Variants in MARCHF1 observed in about 807,000 individuals in gnomAD.
MARCHF1 encodes the protein E3 ubiquitin-protein ligase MARCHF1.
MARCHF1 carries 40 observed loss-of-function variants against 54.2 expected under a neutral mutation model. The observed-to-expected ratio is 0.74, with a 90% CI of 0.57 to 0.96. The LOEUF is 0.96. Among genes scored for constraint, MARCHF1 ranks in the 40% least tolerant of loss-of-function variants. The pLI, the probability that MARCHF1 is intolerant of heterozygous loss-of-function variation, is 0.00. For synonymous variants in MARCHF1, 236 were observed against 236.3 expected, an observed-to-expected ratio of 1.00 and a Z score of 0.01; for missense variants, 586 against 656.5, an observed-to-expected ratio of 0.89 and a Z score of 1.17.
intron 5 of MARCHF1, among the ~76,000 whole-genome samples, chr4:163,617,667 T>A (rs560619433): frequency 6.6e-6 from 1 of 152,180 alleles, no homozygotes; most frequent in Non-Finnish European, 1.5e-5. Context: ...AAATTATACA[T>A]TCTTTATTCT....
At chr4:163,731,369 A>G (rs1745824525) in intron 4 of MARCHF1, among the ~76,000 whole-genome samples, 2 of 152,244 alleles carry the variant, frequency 1.3e-5, no homozygotes, top group Non-Finnish European at 2.9e-5. Flanking sequence ...ACAACAAAAT[A>G]TAAGACACAA....
At chr4:163,687,779 G>C (rs1022611142) in intron 5 of MARCHF1, among the ~76,000 whole-genome samples, 1 of 152,116 alleles carries the variant, frequency 6.6e-6, no homozygotes, top group African/African-American at 2.4e-5. Flanking sequence ...GACAATAAGG[G>C]AAACAATGCA....
chr4:164,186,661 G>A (rs1730978642), intron 1 of MARCHF1, among the ~76,000 whole-genome samples: 1 of 152,194 alleles, frequency 6.6e-6, no homozygotes, highest in Admixed American at 6.5e-5. Context: ...CTTAGTGACA[G>A]AAGCTCACAT....
At chr4:163,604,728 C>G (rs958705283) in intron 7 of MARCHF1, among the ~76,000 whole-genome samples, 3 of 152,130 alleles carry the variant, frequency 2.0e-5, no homozygotes, top group Non-Finnish European at 4.4e-5. Flanking sequence ...CCTCTGCTCC[C>G]TGGCTCTCTA....
chr4:163,951,462 A>C (rs1315032382), intron 3 of MARCHF1, among the ~76,000 whole-genome samples: 3 of 152,216 alleles, frequency 2.0e-5, no homozygotes, highest in Non-Finnish European at 4.4e-5. Context: ...ACCAAAACCA[A>C]AGCTAAAACC....
intron 1 of MARCHF1, chr4:164,188,699 A>C (rs878897567): frequency 9.3e-7 from 1 of 1,077,754 alleles, no homozygotes; most frequent in Non-Finnish European, 1.4e-6. Context: ...CGACCTGTCT[A>C]TGCAGCAGGA....
chr4:163,612,699 C>A lies in MARCHF1; in HGVS notation c.582G>T (p.Pro194=). 1 of 1,535,540 alleles carries A rather than the reference C, an allele frequency of 6.5e-7. No individual in the cohort carries two copies. The highest frequency in any genetic ancestry group is 8.7e-7 in the Non-Finnish European group (1 of 1,146,522). ...TGGAAGACCCAGCTAAGTTTTCACA[C>A]GGCTTATTATTATTTCTCCTCCTTC... ...SRRRRRNNNK[P]CENLAGSSTP... is the part of the protein sequence containing the mutation. The change falls in exon 7 of 10, where the codon CCG becomes CCT. Residue 194 remains proline (P), a synonymous_variant. Transcript: ENST00000514618.
At chr4:163,796,536 A>G (rs1230209489) in intron 4 of MARCHF1, among the ~76,000 whole-genome samples, 1 of 152,170 alleles carries the variant, frequency 6.6e-6, no homozygotes, top group African/African-American at 2.4e-5. Context: ...GGAGCAGAGG[A>G]AGAATAGAGG....
intron 4 of MARCHF1, among the ~76,000 whole-genome samples, chr4:163,723,139 G>T (rs935480528): frequency 9.9e-5 from 15 of 152,164 alleles, no homozygotes; most frequent in Non-Finnish European, 1.8e-4. Context: ...TTACAGTTTG[G>T]CATGGTTTTG....
intron 2 of MARCHF1, among the ~76,000 whole-genome samples, chr4:164,008,513 C>T (rs1421818570): frequency 1.3e-5 from 2 of 151,976 alleles, no homozygotes; most frequent in South Asian, 2.1e-4. Flanking sequence ...ACATTTCATC[C>T]AACTGCTGCA....
intron 1 of MARCHF1, among the ~76,000 whole-genome samples, chr4:164,309,738 G>GACAT (rs1309562699): frequency 6.6e-6 from 1 of 152,080 alleles, no homozygotes; most frequent in Non-Finnish European, 1.5e-5. Context: ...AATAGAATAA[G>GACAT]ACATTTTAAT....
chr4:163,876,977 C>T lies in MARCHF1; in HGVS notation c.-38-22808G>A, dbSNP rs75259417. Among the ~76,000 whole-genome samples the T allele has an allele frequency of 6.4e-3, 974 of 152,132 alleles. 8 individuals carry two copies. The highest frequency in any genetic ancestry group is 0.018 in the East Asian group (91 of 5,172). On this transcript the variant is annotated intron_variant, in intron 3 of 9. Transcript: ENST00000514618. ...AAAAAGATAACCTTATGGATTCAATCATAAATGTAATTATATTACAACATT... is the reference window on the plus strand; with the variant it reads ...AAAAAGATAACCTTATGGATTCAATTATAAATGTAATTATATTACAACATT...
chr4:163,664,116 CTGACAAAA>C (rs1220084061), intron 5 of MARCHF1, among the ~76,000 whole-genome samples: 1 of 152,012 alleles, frequency 6.6e-6, no homozygotes, highest in Non-Finnish European at 1.5e-5. Flanking sequence ...CTGTAAAAGC[CTGACAAAA>C]TGTTTAAGAA....
chr4:164,157,423 G>A (rs1730106899), intron 1 of MARCHF1, among the ~76,000 whole-genome samples: 1 of 152,126 alleles, frequency 6.6e-6, no homozygotes, highest in Admixed American at 6.6e-5. Context: ...ATATTGCTCT[G>A]TGTTCAAAAA....
intron 1 of MARCHF1, among the ~76,000 whole-genome samples, chr4:164,142,577 A>G (rs1440804987): frequency 9.2e-5 from 14 of 152,160 alleles, no homozygotes; most frequent in Middle Eastern, 3.4e-3. Flanking sequence ...CACCTCACAC[A>G]GCCAGGTACT....
intron 2 of MARCHF1, among the ~76,000 whole-genome samples, chr4:164,078,136 G>C (rs570927232): frequency 1.3e-5 from 2 of 152,120 alleles, no homozygotes; most frequent in African/African-American, 4.8e-5. Context: ...CAATCTAAAC[G>C]CCCATCAGTG....
intron 1 of MARCHF1, chr4:164,330,196 C>G (rs79232225): frequency 0.13 from 19,213 of 150,586 alleles, 1,976 homozygotes; most frequent in East Asian, 0.41. Flanking sequence ...AAAACAAAAA[C>G]AAAAGAAAAG....
intron 1 of MARCHF1, among the ~76,000 whole-genome samples, chr4:164,241,383 C>G (rs2111209274): frequency 6.6e-6 from 1 of 152,222 alleles, no homozygotes; most frequent in Middle Eastern, 3.4e-3. Flanking sequence ...CTGTTGTGCT[C>G]CTTTGGCCCA....
At chr4:163,656,486 G>C (rs766567583) in intron 5 of MARCHF1, among the ~76,000 whole-genome samples, 1 of 151,642 alleles carries the variant, frequency 6.6e-6, no homozygotes, top group African/African-American at 2.4e-5. Flanking sequence ...ACAAACAGGA[G>C]ATGGTACCAT....
Sources: gnomAD v4.1 joint callset for allele counts (sites outside exome capture counted in the v4.1 genomes callset) on GRCh38, gnomAD v4.1.1 for gene constraint, MANE v1.5 for transcripts, NCBI Gene and HGNC (gene_info 2026-07-23, HGNC 2026-07-21) for gene names.